RAP1B: variants seen among roughly 807,000 people sequenced by gnomAD.
RAP1B encodes RAP1B, member of RAS oncogene family, also known as ras-related protein Rap-1b.
A neutral mutation model predicts 27.5 loss-of-function variants in RAP1B; 1 was observed. The observed-to-expected ratio is 0.04, with a 90% CI of 0.01 to 0.17. The LOEUF (loss-of-function observed/expected upper bound fraction) is 0.17, where lower values mean the gene tolerates loss of function less well. Among genes scored for constraint, RAP1B ranks in the 10% least tolerant of loss-of-function variants. RAP1B has a pLI of 1.00. For synonymous variants in RAP1B, 75 were observed against 73.1 expected (o/e 1.03, Z -0.13); for missense variants, 84 against 214.8 (o/e 0.39, Z 3.81).
In RAP1B at chr12:68,669,551, C is replaced by T. The variant is rs2956526; in HGVS notation, c.*10302C>T. On this transcript the variant is annotated 3_prime_UTR_variant, in exon 8 of 8. Coordinates refer to ENST00000250559, the MANE Select transcript of RAP1B (RefSeq NM_001010942.3). ...GGCACGGTGGCTCACACCTGTAATC[C>T]CAGCACTTTCGGAGGCCGAGGGGGG... 93,723 of 152,010 alleles carry T rather than the reference C, an allele frequency of 0.62. 29,567 individuals are homozygous for T. The highest frequency in any genetic ancestry group is 0.68 in the Non-Finnish European group (46,479 of 68,008). 9.4% of individuals were successfully genotyped at this position (152,010 alleles called of 1,614,324 possible).
rs1874201277 is a variant in RAP1B, at chr12:68,656,298, A to G, written c.325-8A>G. 6.3e-7 allele frequency: 1 copy of G among 1,595,196 alleles called. No homozygotes were observed. ...TATTTATTTTTACTCTCACAAATGT[A>G]TTTTTAGGTTCCAATGATTCTTGTT... On this transcript the variant is annotated splice_region_variant and splice_polypyrimidine_tract_variant and intron_variant, in intron 5 of 7. Coordinates refer to ENST00000250559, the MANE Select transcript of RAP1B (RefSeq NM_001010942.3).
intron 1 of RAP1B, among the ~76,000 whole-genome samples, chr12:68,631,670 T>G (rs532807234): frequency 2.0e-5 from 3 of 152,144 alleles, no homozygotes; most frequent in Admixed American, 6.6e-5. Flanking sequence ...ACTTTTCTTA[T>G]CCCTGGTATG....
intron 1 of RAP1B, among the ~76,000 whole-genome samples, chr12:68,636,327 A>G (rs546270193): frequency 3.3e-5 from 5 of 152,330 alleles, no homozygotes; most frequent in East Asian, 3.9e-4. Context: ...GTTATGAGCA[A>G]TTGTCTCTGG....
rs182067619 is a variant in RAP1B, at chr12:68,637,123, A to G, written c.-26-11576A>G. The stretch of plus-strand genomic sequence containing the variant: ...TTCTGTCATTTGCTGGAAATGAATT[A>G]TTAGTCTTTATTCAGCAAACATTTA... On this transcript the variant is annotated intron_variant, in intron 1 of 7. Coordinates refer to ENST00000250559, the MANE Select transcript of RAP1B (RefSeq NM_001010942.3). Among the ~76,000 whole-genome samples the G allele has an allele frequency of 3.3e-5, 5 of 152,352 alleles. No individual in the cohort carries two copies. The East Asian group carries it at 9.6e-4, about 29-fold the overall frequency.
chr12:68,633,418 C>T (rs1438371572), intron 1 of RAP1B, among the ~76,000 whole-genome samples: 1 of 152,208 alleles, frequency 6.6e-6, no homozygotes, highest in African/African-American at 2.4e-5. Context: ...CCACAGCAAG[C>T]ACTTTATTCT....
At position 68,661,128 on chromosome 12, in the gene RAP1B, T is replaced by C. The variant is rs1043404120; in HGVS notation, c.*1879T>C. 2 of 152,198 alleles carry C rather than the reference T, an allele frequency of 1.3e-5. No homozygotes were observed. The highest frequency in any genetic ancestry group is 2.9e-5 in the Non-Finnish European group (2 of 68,020). The allele number at this position is 152,198 out of a possible 1,614,324, so 9.4% of individuals were successfully genotyped here. A position where few individuals can be genotyped will look rare whatever the true frequency, so the allele number is the denominator to read the frequency against. The stretch of plus-strand genomic sequence containing the variant: ...AATAGAGGGGTATCTGCTAATCCCC[T>C]AAATACACGCTGTTTGAATGATACA... On this transcript the variant is annotated 3_prime_UTR_variant, in exon 8 of 8. Coordinates refer to ENST00000250559, the MANE Select transcript of RAP1B (RefSeq NM_001010942.3).
At chr12:68,615,766 T>C (rs1236596635) in intron 1 of RAP1B, among the ~76,000 whole-genome samples, 1 of 152,134 alleles carries the variant, frequency 6.6e-6, no homozygotes, top group East Asian at 1.9e-4. Flanking sequence ...TTTTTGTAGT[T>C]ATACATGTGT....
At chr12:68,640,256 T>C (rs1392724466) in intron 1 of RAP1B, among the ~76,000 whole-genome samples, 1 of 152,156 alleles carries the variant, frequency 6.6e-6, no homozygotes, top group Non-Finnish European at 1.5e-5. Context: ...ATATAGTAAT[T>C]TCACCTTAAT....
intron 1 of RAP1B, among the ~76,000 whole-genome samples, chr12:68,643,838 A>T (rs902758999): frequency 1.8e-4 from 28 of 151,982 alleles, no homozygotes; most frequent in Non-Finnish European, 2.6e-4. Context: ...TTGTTTTATA[A>T]TTTTTTCTAT....
chr12:68,640,132 C>T (rs570557680), intron 1 of RAP1B, among the ~76,000 whole-genome samples: 2 of 152,280 alleles, frequency 1.3e-5, no homozygotes, highest in Non-Finnish European at 2.9e-5. Flanking sequence ...AGCCACCATG[C>T]CCGGCCCAAA....
intron 1 of RAP1B, among the ~76,000 whole-genome samples, chr12:68,646,226 C>T (rs1160198704): frequency 2.0e-5 from 3 of 151,570 alleles, no homozygotes; most frequent in East Asian, 1.9e-4. Flanking sequence ...TATGTTGTTT[C>T]GGTCAGTTGT....
intron 1 of RAP1B, among the ~76,000 whole-genome samples, chr12:68,636,188 T>A (rs1346822316): frequency 6.6e-6 from 1 of 152,186 alleles, no homozygotes; most frequent in African/African-American, 2.4e-5. Context: ...GTCAGCTATT[T>A]TTTTTGGCAT....
rs1421902752 is a variant in RAP1B at position 68,669,710 on chromosome 12, A to C, written c.*10461A>C. The C allele has an allele frequency of 2.6e-5, 4 of 152,238 alleles. No homozygotes were observed. The highest frequency in any genetic ancestry group is 4.4e-5 in the Non-Finnish European group (3 of 68,176). The allele number at this position is 152,238 out of a possible 1,614,324, so 9.4% of individuals were successfully genotyped here. ...CAGCTACTCTGGAGGCTGAGGCAGGAGAATCGCTTGAACCCAGGAGGCAGA... is the reference window on the plus strand; with the variant it reads ...CAGCTACTCTGGAGGCTGAGGCAGGCGAATCGCTTGAACCCAGGAGGCAGA... On this transcript the variant is annotated 3_prime_UTR_variant, in exon 8 of 8. Transcript: ENST00000250559.
In RAP1B at chr12:68,641,574, A is replaced by G. The variant is rs370752828; in HGVS notation, c.-26-7125A>G. 3.9e-5 allele frequency among the ~76,000 whole-genome samples: 6 copies of G among 152,348 alleles called. No individual in the cohort carries two copies. In the South Asian group the frequency reaches 1.2e-3, roughly 32 times the overall value. On this transcript the variant is annotated intron_variant, in intron 1 of 7. Coordinates refer to ENST00000250559, the MANE Select transcript of RAP1B (RefSeq NM_001010942.3). ...GGTAGTAGATATTTTGCAAGAAGTAAATAGCCAAGTGTAAAAGCTGTCAGT... is the reference window on the plus strand; with the variant it reads ...GGTAGTAGATATTTTGCAAGAAGTAGATAGCCAAGTGTAAAAGCTGTCAGT...
intron 7 of RAP1B, 140 bp downstream of exon 7, chr12:68,657,357 A>G (rs1197415608): frequency 1.9e-6 from 1 of 538,178 alleles, no homozygotes; most frequent in Admixed American, 3.7e-5. Flanking sequence ...ATGAGTTAGT[A>G]TGCTATCTTA....
chr12:68,646,670 CA>C (rs893935446), intron 1 of RAP1B, among the ~76,000 whole-genome samples: 1 of 152,192 alleles, frequency 6.6e-6, no homozygotes, highest in African/African-American at 2.4e-5. Context: ...CTCTCACTCC[CA>C]GTGGAGGAAG....
In RAP1B at chr12:68,668,500, C is replaced by G. The variant is rs1874942550; in HGVS notation, c.*9251C>G. 6.6e-6 allele frequency: 1 copy of G among 152,136 alleles called. No individual in the cohort carries two copies. Among genetic ancestry groups the G allele is most frequent in the Non-Finnish European group, 1.5e-5 (1 of 68,034 alleles). The allele number at this position is 152,136 out of a possible 1,614,324, so 9.4% of individuals were successfully genotyped here. A position where few individuals can be genotyped will look rare whatever the true frequency, so the allele number is the denominator to read the frequency against. ...CAAAAGATTTTTTGTGACCAGGTCTCCCTGACCTGCACAAAATAAACTCTT... is the reference window on the plus strand; with the variant it reads ...CAAAAGATTTTTTGTGACCAGGTCTGCCTGACCTGCACAAAATAAACTCTT... On this transcript the variant is annotated 3_prime_UTR_variant, in exon 8 of 8. Transcript: ENST00000250559.
At position 68,659,876 on chromosome 12, in the gene RAP1B, C is replaced by G. The variant is rs896814598; in HGVS notation, c.*627C>G. ...TCAGTATAATGTCTTAGATTAAAGA[C>G]GTTGCCTTTAATATCTGTTGGGAAG... On this transcript the variant is annotated 3_prime_UTR_variant, in exon 8 of 8. Transcript: ENST00000250559. The G allele has an allele frequency of 6.6e-6, 1 of 151,818 alleles. No individual in the cohort carries two copies. The highest frequency in any genetic ancestry group is 2.4e-5 in the African/African-American group (1 of 41,064). 9.4% of individuals were successfully genotyped at this position (151,818 alleles called of 1,614,324 possible).
chr12:68,661,345 C>A lies in RAP1B; in HGVS notation c.*2096C>A, dbSNP rs1281347569. On this transcript the variant is annotated 3_prime_UTR_variant, in exon 8 of 8. Coordinates refer to ENST00000250559, the MANE Select transcript of RAP1B (RefSeq NM_001010942.3). ...TGATACCGCCATTATTCAATAATTACTTTTAATAAATGTTTGCTGCCTACC... is the reference window on the plus strand; with the variant it reads ...TGATACCGCCATTATTCAATAATTAATTTTAATAAATGTTTGCTGCCTACC... 6.6e-6 allele frequency: 1 copy of A among 152,114 alleles called. No individual in the cohort carries two copies. Among genetic ancestry groups the A allele is most frequent in the Non-Finnish European group, 1.5e-5 (1 of 68,022 alleles). The allele number at this position is 152,114 out of a possible 1,614,324, so 9.4% of individuals were successfully genotyped here. A position where few individuals can be genotyped will look rare whatever the true frequency, so the allele number is the denominator to read the frequency against.
Sources: gnomAD v4.1 joint callset for allele counts (sites outside exome capture counted in the v4.1 genomes callset) on GRCh38, gnomAD v4.1.1 for gene constraint, MANE v1.5 for transcripts, NCBI Gene and HGNC (gene_info 2026-07-23, HGNC 2026-07-21) for gene names.